Variants in SCLT1 observed in about 807,000 individuals in gnomAD.
SCLT1 encodes sodium channel and clathrin linker 1, also known as sodium channel-associated protein 1.
In SCLT1, 78 loss-of-function variants were observed where a neutral mutation model predicts 112.8. The observed-to-expected ratio is 0.69, with a 90% CI of 0.58 to 0.83. The LOEUF is 0.83. Ranked by LOEUF, SCLT1 falls within the 40% of genes least tolerant of loss-of-function variation. The pLI, the probability that SCLT1 is intolerant of heterozygous loss-of-function variation, is 0.00. For missense variants in SCLT1, 747 were observed against 770.4 expected, an observed-to-expected ratio of 0.97 and a Z score of 0.36; for synonymous variants, 257 against 254.7, an observed-to-expected ratio of 1.01 and a Z score of -0.09.
chr4:129,061,103 A>G (rs920725083), intron 2 of SCLT1, among the ~76,000 whole-genome samples: 1 of 152,154 alleles, frequency 6.6e-6, no homozygotes, highest in Non-Finnish European at 1.5e-5. Flanking sequence ...AGAAGTAAGC[A>G]ACTTGAGCCA....
chr4:128,891,089 C>A lies in SCLT1; in HGVS notation c.1878G>T (p.Gln626His). Reference protein sequence around the residue: ...QKLHTQELLSQLEMANEKVAE... With the variant: ...QKLHTQELLSHLEMANEKVAE... ...CTACCTTTTCATTTGCCATTTCCAGCTGAGAAAGCAGCTCTTGGGTATGAA... is the reference window on the plus strand; with the variant it reads ...CTACCTTTTCATTTGCCATTTCCAGATGAGAAAGCAGCTCTTGGGTATGAA... The change falls in exon 19 of 21, where the codon CAG becomes CAT. Residue 626 changes from glutamine to histidine, a missense_variant. Transcript: ENST00000281142. 6.2e-7 allele frequency: 1 copy of A among 1,613,072 alleles called. No individual in the cohort carries two copies. The highest frequency in any genetic ancestry group is 8.5e-7 in the Non-Finnish European group (1 of 1,179,464).
intron 4 of SCLT1, chr4:128,874,550 G>C (rs1413616762): frequency 6.6e-6 from 1 of 151,502 alleles, no homozygotes; most frequent in Non-Finnish European, 1.5e-5. Context: ...AAAATAAAAA[G>C]CCCACACTTT....
intron 5 of SCLT1, among the ~76,000 whole-genome samples, chr4:129,012,916 A>G (rs1449243833): frequency 2.0e-5 from 3 of 151,702 alleles, no homozygotes; most frequent in African/African-American, 7.3e-5. Context: ...TGCATGTGAG[A>G]TAGGACTCTT....
intron 4 of SCLT1, chr4:129,039,887 A>AGT (rs1225471057): frequency 0.012 from 2,927 of 254,482 alleles, 91 homozygotes; most frequent in African/African-American, 0.081. Context: ...GCAAATGGAG[A>AGT]GTGTGCGCGC....
chr4:129,044,159 T>C (rs976945659), intron 2 of SCLT1, 108 bp from the exon 3 acceptor site: 12 of 568,510 alleles, frequency 2.1e-5, no homozygotes, highest in African/African-American at 1.6e-4. Context: ...AGAAACTCTA[T>C]TTATGTAATT....
chr4:128,907,346 C>G (rs949415085), intron 18 of SCLT1, among the ~76,000 whole-genome samples: 1 of 152,042 alleles, frequency 6.6e-6, no homozygotes, highest in Non-Finnish European at 1.5e-5. Context: ...TTGCAGTAAT[C>G]CAGGTGAGCA....
At chr4:128,983,647 T>C (rs1741858220) in intron 9 of SCLT1, among the ~76,000 whole-genome samples, 1 of 152,180 alleles carries the variant, frequency 6.6e-6, no homozygotes, top group Non-Finnish European at 1.5e-5. Flanking sequence ...ATCAGGTGAA[T>C]GAAGGTTCTT....
intron 5 of SCLT1, among the ~76,000 whole-genome samples, chr4:129,033,440 T>C (rs943766670): frequency 5.4e-5 from 7 of 130,260 alleles, no homozygotes; most frequent in African/African-American, 1.8e-4. Context: ...CAAACCACCA[T>C]GGCACATGTA....
At position 128,927,004 on chromosome 4, in the gene SCLT1, G is replaced by T. The variant is rs951893000; in HGVS notation, c.1829+9651C>A. Among the ~76,000 whole-genome samples, 14 of 151,146 alleles carry T rather than the reference G, an allele frequency of 9.3e-5. 1 individual carries two copies. The highest frequency in any genetic ancestry group is 8.6e-4 in the Admixed American group (13 of 15,164). On this transcript the variant is annotated intron_variant, in intron 18 of 20. Coordinates refer to ENST00000281142, the MANE Select transcript of SCLT1 (RefSeq NM_144643.4). ...GTAGAATGATTAAAAAAAACCAAAT[G>T]AATTAAAAAGATGAGAAAGAAAAAA...
At chr4:129,052,314 T>G (rs1748876237) in intron 2 of SCLT1, among the ~76,000 whole-genome samples, 1 of 152,148 alleles carries the variant, frequency 6.6e-6, no homozygotes, top group Non-Finnish European at 1.5e-5. Context: ...AGCTCCTCTT[T>G]GTACCTCTGG....
rs1277337652 is a variant in SCLT1 at position 128,936,789 on chromosome 4, C to T, written c.1695G>A (p.Glu565=). 2 of 1,607,194 alleles carry T rather than the reference C, an allele frequency of 1.2e-6. No homozygotes were observed. Among genetic ancestry groups the T allele is most frequent in the Admixed American group, 1.7e-5 (1 of 59,810 alleles). The part of the protein sequence containing the change: ...KERGFEVQLR[E]MEDSNRNSIV... ...TGGAATTTCTATTACTGTCTTCCAT[C>T]TCTCTCAATTGAACTTCAAATCCAC... is the stretch of plus-strand genomic sequence containing the variant. Residue 565 remains glutamate (E), a synonymous_variant, in exon 18 of 21, where the codon GAG becomes GAA. Transcript: ENST00000281142.
At chr4:128,906,268 G>A (rs1734685689) in intron 18 of SCLT1, among the ~76,000 whole-genome samples, 1 of 152,090 alleles carries the variant, frequency 6.6e-6, no homozygotes, top group Non-Finnish European at 1.5e-5. Flanking sequence ...CGCGATCTCG[G>A]CTCACTGCAA....
chr4:129,043,346 T>C (rs1173313775), intron 4 of SCLT1, 49 bp downstream of exon 4: 1 of 992,014 alleles, frequency 1.0e-6, no homozygotes, highest in East Asian at 2.5e-5. Context: ...TTTTACTTTT[T>C]ATTTTCATAA....
chr4:128,905,193 A>G (rs944680444), intron 18 of SCLT1, among the ~76,000 whole-genome samples: 9 of 152,180 alleles, frequency 5.9e-5, no homozygotes, highest in African/African-American at 1.9e-4. Context: ...GTAAATAAGC[A>G]TTGCCATCTA....
At chr4:128,922,271 C>T (rs1291070420) in intron 18 of SCLT1, among the ~76,000 whole-genome samples, 1 of 152,132 alleles carries the variant, frequency 6.6e-6, no homozygotes, top group Non-Finnish European at 1.5e-5. Context: ...CAGAAGTATA[C>T]CATTCAACCC....
chr4:129,061,218 G>A (rs1749935948), intron 2 of SCLT1, among the ~76,000 whole-genome samples: 1 of 152,120 alleles, frequency 6.6e-6, no homozygotes, highest in African/African-American at 2.4e-5. Flanking sequence ...TTCTGTGAGG[G>A]CAGATGCGCG....
intron 18 of SCLT1, among the ~76,000 whole-genome samples, chr4:128,911,921 T>C (rs1273157255): frequency 6.6e-6 from 1 of 152,234 alleles, no homozygotes; most frequent in Non-Finnish European, 1.5e-5. Flanking sequence ...TGCATACAAC[T>C]AATTTAGAGA....
chr4:128,916,326 T>C (rs1206823471), intron 18 of SCLT1, among the ~76,000 whole-genome samples: 1 of 152,250 alleles, frequency 6.6e-6, no homozygotes, highest in Non-Finnish European at 1.5e-5. Flanking sequence ...TTTAATAGTC[T>C]ACATGTTATT....
intron 10 of SCLT1, among the ~76,000 whole-genome samples, chr4:128,969,767 G>T (rs1471409103): frequency 6.6e-6 from 1 of 152,012 alleles, no homozygotes; most frequent in Non-Finnish European, 1.5e-5. Flanking sequence ...GTGCTTTCTG[G>T]TGTTTTAAAA....
Sources: allele counts gnomAD v4.1 joint callset (sites outside exome capture counted in the v4.1 genomes callset), GRCh38; gene constraint gnomAD v4.1.1; transcripts MANE v1.5; gene names NCBI Gene and HGNC (gene_info 2026-07-23, HGNC 2026-07-21).